The following TGDS variants were observed in gnomAD, a reference collection of about 807,000 sequenced individuals.
TGDS encodes UDP-D-glucose 4,6-dehydratase.
Under a neutral mutation model 52.3 loss-of-function variants are expected in TGDS, and 47 were observed. The observed-to-expected ratio is 0.90, with a 90% CI of 0.71 to 1.15. The LOEUF (loss-of-function observed/expected upper bound fraction) is 1.15. TGDS is among the 50% of genes most tolerant of loss of function. The probability of loss-of-function intolerance (pLI) is 0.00; values close to 1 mark genes in which losing one functional copy is unlikely to be tolerated. For missense variants in TGDS, 375 were observed against 418.4 expected, an observed-to-expected ratio of 0.90 and a Z score of 0.90; for synonymous variants, 115 against 136.9, an observed-to-expected ratio of 0.84 and a Z score of 1.12.
chr13:94,590,762 T>C, intron 4 of TGDS, 91 bp downstream of exon 4: 2 of 1,020,556 alleles, frequency 2.0e-6, no homozygotes, highest in Non-Finnish European at 1.4e-6. Flanking sequence ...TCTAGTACAG[T>C]ATGATATATC....
chr13:94,574,383 A>G lies in TGDS; in HGVS notation c.*399T>C. ...AAAAGAAATGGTGAATTAGGGCCTA[A>G]GACATCCTATATTGCCTAAAAACGA... On this transcript the variant is annotated 3_prime_UTR_variant, in exon 12 of 12. Coordinates refer to ENST00000261296, the MANE Select transcript of TGDS (RefSeq NM_014305.4). 6.3e-6 allele frequency: 1 copy of G among 158,358 alleles called. No homozygotes were observed. The allele number at this position is 158,358 out of a possible 1,614,324, so 9.8% of individuals were successfully genotyped here.
chr13:94,588,131 C>T lies in TGDS; in HGVS notation c.313+2722G>A, dbSNP rs548013151. 5.4e-5 allele frequency among the ~76,000 whole-genome samples: 8 copies of T among 148,492 alleles called. 1 individual carries two copies. The highest frequency in any genetic ancestry group is 1.5e-4 in the African/African-American group (6 of 40,410). On this transcript the variant is annotated intron_variant, in intron 4 of 11. Coordinates refer to ENST00000261296, the MANE Select transcript of TGDS (RefSeq NM_014305.4). ...CCATTGAAAACGGGAAAAGGCTGGG[C>T]GTGGTGGCTCACGCCTGTAATCCCA...
At chr13:94,580,962 G>A (rs184369885) in intron 6 of TGDS, 129 bp downstream of exon 6, 9 of 506,156 alleles carry the variant, frequency 1.8e-5, no homozygotes, top group Admixed American at 3.8e-5. Context: ...GTCAGATTGC[G>A]ACTGTCTCCG....
At chr13:94,591,255 A>G (rs1340059137) in intron 3 of TGDS, among the ~76,000 whole-genome samples, 1 of 152,192 alleles carries the variant, frequency 6.6e-6, no homozygotes, top group Non-Finnish European at 1.5e-5. Context: ...AACTTTTTTT[A>G]GCACTTTTTA....
chr13:94,585,853 T>C (rs558699248), intron 4 of TGDS, among the ~76,000 whole-genome samples: 63 of 148,290 alleles, frequency 4.2e-4, no homozygotes, highest in African/African-American at 1.4e-3. Flanking sequence ...TAGCTAAAAA[T>C]GGAGTTGGAA....
intron 3 of TGDS, among the ~76,000 whole-genome samples, chr13:94,591,232 T>C (rs933758035): frequency 1.3e-5 from 2 of 152,228 alleles, no homozygotes; most frequent in Non-Finnish European, 2.9e-5. Flanking sequence ...CCAAGGCCAC[T>C]ATATTAATAC....
intron 6 of TGDS, among the ~76,000 whole-genome samples, chr13:94,580,771 T>C (rs899112494): frequency 2.0e-5 from 3 of 152,250 alleles, no homozygotes; most frequent in Admixed American, 6.5e-5. Flanking sequence ...GTCCACACAA[T>C]AGAGGAAATT....
At chr13:94,581,317 G>T in intron 5 of TGDS, 128 bp from the exon 6 acceptor site, 1 of 546,042 alleles carries the variant, frequency 1.8e-6, no homozygotes, top group Non-Finnish European at 3.1e-6. Context: ...CTATGTGCCT[G>T]GTGTTTTCCC....
At chr13:94,594,323 TA>T (rs929075286) in intron 1 of TGDS, among the ~76,000 whole-genome samples, 17 of 152,182 alleles carry the variant, frequency 1.1e-4, no homozygotes, top group Admixed American at 2.6e-4. Flanking sequence ...TTACTATGAG[TA>T]TAGTCAGTTG....
chr13:94,593,706 C>T (rs1363469405), intron 2 of TGDS, 135 bp downstream of exon 2: 1 of 640,016 alleles, frequency 1.6e-6, no homozygotes, highest in African/African-American at 1.9e-5. Flanking sequence ...GAGCACATTA[C>T]TATACAGAGC....
intron 4 of TGDS, among the ~76,000 whole-genome samples, chr13:94,584,522 T>C (rs553254442): frequency 6.6e-6 from 1 of 152,354 alleles, no homozygotes; most frequent in African/African-American, 2.4e-5. Context: ...CCATGTCATA[T>C]TTAATCTTAA....
At chr13:94,581,227 A>C in intron 5 of TGDS, 38 bp from the exon 6 acceptor site, 1 of 1,326,020 alleles carries the variant, frequency 7.5e-7, no homozygotes, top group Non-Finnish European at 1.0e-6. Flanking sequence ...AGTGTTATGC[A>C]TATTTTAAGT....
chr13:94,587,780 G>A (rs902417486), intron 4 of TGDS, among the ~76,000 whole-genome samples: 2 of 149,078 alleles, frequency 1.3e-5, no homozygotes, highest in South Asian at 2.2e-4. Flanking sequence ...GGTGGATCAC[G>A]AGGTCAGGAG....
chr13:94,594,580 C>T (rs1889310154), intron 1 of TGDS, among the ~76,000 whole-genome samples: 1 of 152,108 alleles, frequency 6.6e-6, no homozygotes, highest in Non-Finnish European at 1.5e-5. Flanking sequence ...ATGTTGGGCT[C>T]CCAGGAGAGG....
chr13:94,577,862 G>A lies in TGDS; in HGVS notation c.825+143C>T, dbSNP rs1888651727. On this transcript the variant is annotated intron_variant, in intron 9 of 11. Coordinates refer to ENST00000261296, the MANE Select transcript of TGDS (RefSeq NM_014305.4). Reference sequence around the variant, plus strand: ...AAATAGGTGATCCAACTTAATTTAAGACACATATGGTACACAAAATCATTA... The same window carrying A: ...AAATAGGTGATCCAACTTAATTTAAAACACATATGGTACACAAAATCATTA... 5 of 792,440 alleles carry A rather than the reference G, an allele frequency of 6.3e-6. No homozygotes were observed. In the South Asian group the frequency reaches 1.0e-4, roughly 16 times the overall value. The allele number at this position is 792,440 out of a possible 1,614,324, so 49.1% of individuals were successfully genotyped here.
rs77957387 is a variant in TGDS, at chr13:94,592,210, G to A, written c.222+31C>T. ...CTATAATCTCTGCATGACTAAAGAGGCACGGTACAGTTACAAGAAAATGTT... is the reference window on the plus strand; with the variant it reads ...CTATAATCTCTGCATGACTAAAGAGACACGGTACAGTTACAAGAAAATGTT... On this transcript the variant is annotated intron_variant, in intron 3 of 11. Transcript: ENST00000261296. 1,694 of 1,514,588 alleles carry A rather than the reference G, an allele frequency of 1.1e-3. 17 individuals are homozygous for A. The African/African-American group carries it at 0.017, about 15-fold the overall frequency. The allele number at this position is 1,514,588 out of a possible 1,614,324, so 93.8% of individuals were successfully genotyped here.
At chr13:94,577,015 T>C (rs895799798) in intron 10 of TGDS, among the ~76,000 whole-genome samples, 1 of 151,558 alleles carries the variant, frequency 6.6e-6, no homozygotes, top group Non-Finnish European at 1.5e-5. Context: ...GCAGGAGAAC[T>C]GCTTGAACCT....
intron 6 of TGDS, among the ~76,000 whole-genome samples, chr13:94,580,322 T>TA (rs1363209787): frequency 6.6e-6 from 1 of 152,038 alleles, no homozygotes; most frequent in East Asian, 1.9e-4. Context: ...TCCCTACAAA[T>TA]AAAAAGAGCT....
At chr13:94,587,921 C>A (rs1387517644) in intron 4 of TGDS, among the ~76,000 whole-genome samples, 1 of 147,900 alleles carries the variant, frequency 6.8e-6, no homozygotes, top group East Asian at 2.0e-4. Flanking sequence ...GGCATGAACC[C>A]AGGAGGCAGA....
Sources: gnomAD v4.1 joint callset for allele counts (sites outside exome capture counted in the v4.1 genomes callset) on GRCh38, gnomAD v4.1.1 for gene constraint, MANE v1.5 for transcripts, NCBI Gene and HGNC (gene_info 2026-07-23, HGNC 2026-07-21) for gene names.